The following DCC variants were observed in gnomAD, a reference collection of about 807,000 sequenced individuals.
The protein encoded by DCC is netrin receptor DCC.
DCC carries 58 observed loss-of-function variants against 172.5 expected under a neutral mutation model. That is an observed-to-expected ratio of 0.34 (90% CI 0.27 to 0.42). The LOEUF is 0.42. DCC is among the 10% of genes least tolerant of loss of function. The pLI, the probability that DCC is intolerant of heterozygous loss-of-function variation, is 1.00. For synonymous variants in DCC, 709 were observed against 644.5 expected, an observed-to-expected ratio of 1.10 and a Z score of -1.52; for missense variants, 1,740 against 1,791.0, an observed-to-expected ratio of 0.97 and a Z score of 0.51.
chr18:52,602,387 C>T (rs2034034200), intron 1 of DCC, among the ~76,000 whole-genome samples: 1 of 99,698 alleles, frequency 1.0e-5, no homozygotes, highest in Admixed American at 1.1e-4. Flanking sequence ...TGTCTGCTTC[C>T]CCTTAGTATC....
Position 53,526,754 on chromosome 18 carries a change from G to T in DCC, c.4249G>T (p.Ala1417Ser), listed in dbSNP as rs1374644301. ...GAGCCACAAACCAACAGAGGATTCA[G>T]CCAATGTAAGGGCATCTTTAAAATT... ...EESHKPTEDS[A>S]NVYEQDDLSE... Residue 1417 changes from alanine (A) to serine (S), a missense_variant, in exon 28 of 29, where the codon GCC (alanine) becomes TCC (serine). By Grantham distance (99) the Ala-to-Ser change is moderately conservative. Around this residue, in one of 2 missense-constraint regions of DCC, gnomAD observed 1,732 missense variants for 1,767.4 expected, o/e 0.98. Transcript: ENST00000442544. 1.2e-6 allele frequency: 2 copies of T among 1,613,354 alleles called. No homozygotes were observed. Among genetic ancestry groups the T allele is most frequent in the Middle Eastern group, 1.7e-4 (1 of 6,054 alleles).
intron 27 of DCC, 88 bp from the exon 28 acceptor site, chr18:53,526,529 C>T: frequency 7.3e-7 from 1 of 1,371,132 alleles, no homozygotes; most frequent in South Asian, 1.2e-5. Flanking sequence ...AAATCAATGC[C>T]AATCTCCTGG....
chr18:52,703,729 ATT>A (rs35250941), intron 1 of DCC, among the ~76,000 whole-genome samples: 1 of 149,202 alleles, frequency 6.7e-6, no homozygotes, highest in East Asian at 2.0e-4. Flanking sequence ...ATTGCAAAGA[ATT>A]TTTTTTTTTG....
At chr18:52,870,577 G>GT (rs2039303729) in intron 2 of DCC, among the ~76,000 whole-genome samples, 1 of 152,162 alleles carries the variant, frequency 6.6e-6, no homozygotes, top group Non-Finnish European at 1.5e-5. Context: ...TACTCTTGCA[G>GT]ATAAGATCAC....
intron 7 of DCC, among the ~76,000 whole-genome samples, chr18:53,080,014 GT>G (rs1029077658): frequency 4.6e-4 from 70 of 152,140 alleles, no homozygotes; most frequent in African/African-American, 1.6e-3. Context: ...TTCTATTTCT[GT>G]TTTTTAAAGA....
intron 1 of DCC, among the ~76,000 whole-genome samples, chr18:52,586,848 C>G (rs2033685577): frequency 6.6e-6 from 1 of 152,204 alleles, no homozygotes; most frequent in Non-Finnish European, 1.5e-5. Context: ...TTCCAAAATT[C>G]TATCAGTCCA....
chr18:52,901,854 A>G (rs1010799251), intron 2 of DCC, among the ~76,000 whole-genome samples: 5 of 152,376 alleles, frequency 3.3e-5, no homozygotes, highest in African/African-American at 9.6e-5. Flanking sequence ...AATAAAATAC[A>G]GAAAACATCC....
intron 7 of DCC, among the ~76,000 whole-genome samples, chr18:53,139,655 T>A (rs1212741280): frequency 6.6e-6 from 1 of 152,178 alleles, no homozygotes; most frequent in Non-Finnish European, 1.5e-5. Flanking sequence ...GCTGCTATTG[T>A]CACCCACATT....
intron 15 of DCC, among the ~76,000 whole-genome samples, chr18:53,347,003 G>A (rs998764448): frequency 1.3e-5 from 2 of 152,184 alleles, no homozygotes; most frequent in Non-Finnish European, 2.9e-5. Context: ...TCTTGGTTAA[G>A]TTTCCCAAGG....
intron 1 of DCC, among the ~76,000 whole-genome samples, chr18:52,747,304 A>G (rs1200689899): frequency 6.6e-6 from 1 of 152,182 alleles, no homozygotes; most frequent in Non-Finnish European, 1.5e-5. Context: ...TTCTTTATGA[A>G]GCAAGGCTTG....
intron 7 of DCC, among the ~76,000 whole-genome samples, chr18:53,112,519 T>C (rs556179349): frequency 7.3e-5 from 11 of 151,622 alleles, no homozygotes; most frequent in African/African-American, 2.7e-4. Flanking sequence ...TGCTGCTGCA[T>C]TGAGTGTGGG....
intron 5 of DCC, among the ~76,000 whole-genome samples, chr18:53,037,021 CAT>C (rs2042103630): frequency 6.6e-6 from 1 of 151,972 alleles, no homozygotes; most frequent in South Asian, 2.1e-4. Flanking sequence ...ACTCTGCAAA[CAT>C]AGAATTATTT....
chr18:52,826,836 A>G (rs2038518779), intron 2 of DCC, among the ~76,000 whole-genome samples: 1 of 152,196 alleles, frequency 6.6e-6, no homozygotes, highest in African/African-American at 2.4e-5. Context: ...TTCCATATCC[A>G]TGGATTCAAT....
chr18:53,374,722 T>C (rs1295835970), intron 15 of DCC, among the ~76,000 whole-genome samples: 1 of 152,150 alleles, frequency 6.6e-6, no homozygotes, highest in African/African-American at 2.4e-5. Flanking sequence ...ATACACACAG[T>C]CTCAGACACT....
At chr18:52,590,763 T>C (rs1486844633) in intron 1 of DCC, among the ~76,000 whole-genome samples, 1 of 152,260 alleles carries the variant, frequency 6.6e-6, no homozygotes, top group Non-Finnish European at 1.5e-5. Context: ...CACAAAGTAC[T>C]TGATAAATAC....
At chr18:53,328,722 A>T (rs1406360224) in intron 14 of DCC, among the ~76,000 whole-genome samples, 1 of 152,056 alleles carries the variant, frequency 6.6e-6, no homozygotes, top group East Asian at 1.9e-4. Context: ...TTTAGTAGAG[A>T]CAGGGTTTCA....
chr18:53,252,147 C>T (rs570581085), intron 12 of DCC, among the ~76,000 whole-genome samples: 23 of 151,926 alleles, frequency 1.5e-4, no homozygotes, highest in Admixed American at 3.3e-4. Flanking sequence ...ACATCAATTA[C>T]GCTGCTTCAC....
intron 8 of DCC, among the ~76,000 whole-genome samples, chr18:53,169,896 T>A (rs1466283882): frequency 1.3e-5 from 2 of 152,164 alleles, no homozygotes; most frequent in Admixed American, 1.3e-4. Flanking sequence ...CATGGAAAAT[T>A]TACTTTAGGT....
intron 7 of DCC, among the ~76,000 whole-genome samples, chr18:53,074,073 G>A (rs537432455): frequency 2.0e-5 from 3 of 152,168 alleles, no homozygotes; most frequent in South Asian, 2.1e-4. Context: ...AAGCAACTAC[G>A]TATGAGAGAT....
Sources: allele counts gnomAD v4.1 joint callset (sites outside exome capture counted in the v4.1 genomes callset), GRCh38; gene constraint gnomAD v4.1.1; regional missense constraint gnomAD v4.1.1; transcripts MANE v1.5; gene names NCBI Gene and HGNC (gene_info 2026-07-23, HGNC 2026-07-21).